The following SPAG16 variants were observed in gnomAD, a reference collection of about 807,000 sequenced individuals.
SPAG16 encodes sperm associated antigen 16.
A neutral mutation model predicts 80.4 loss-of-function variants in SPAG16; 86 were observed. The observed-to-expected ratio is 1.07, with a 90% CI of 0.90 to 1.28. SPAG16 has a LOEUF of 1.28. Among genes scored for constraint, SPAG16 ranks in the 50% most tolerant of loss-of-function variants. SPAG16 has a pLI of 0.00. For missense variants in SPAG16, 870 were observed against 765.3 expected (o/e 1.14, Z -1.61); for synonymous variants, 294 against 265.9 (o/e 1.11, Z -1.03).
intron 10 of SPAG16, among the ~76,000 whole-genome samples, chr2:213,604,032 C>T (rs2061165015): frequency 6.6e-6 from 1 of 151,532 alleles, no homozygotes; most frequent in Non-Finnish European, 1.5e-5. Flanking sequence ...GCTGGGATTA[C>T]AGGCATGCAC....
chr2:213,977,868 C>T (rs914007283), intron 12 of SPAG16, among the ~76,000 whole-genome samples: 23 of 152,056 alleles, frequency 1.5e-4, no homozygotes, highest in African/African-American at 5.5e-4. Flanking sequence ...TTAAGGATCA[C>T]TCCATTGACA....
At chr2:213,331,413 A>C (rs1174733599) in intron 5 of SPAG16, among the ~76,000 whole-genome samples, 1 of 152,228 alleles carries the variant, frequency 6.6e-6, no homozygotes, top group Non-Finnish European at 1.5e-5. Flanking sequence ...ATATATATGC[A>C]CCCAACACTG....
At chr2:213,420,311 T>C (rs192080396) in intron 9 of SPAG16, among the ~76,000 whole-genome samples, 3 of 152,334 alleles carry the variant, frequency 2.0e-5, no homozygotes. Flanking sequence ...AAAGACACTG[T>C]CAGTGTATCC....
At chr2:213,285,620 G>C (rs141786534) in intron 1 of SPAG16, among the ~76,000 whole-genome samples, 1 of 152,290 alleles carries the variant, frequency 6.6e-6, no homozygotes, top group Non-Finnish European at 1.5e-5. Context: ...CGATTAACCT[G>C]TCCTGACTCA....
intron 12 of SPAG16, among the ~76,000 whole-genome samples, chr2:213,965,064 C>G (rs1360096394): frequency 6.6e-6 from 1 of 152,118 alleles, no homozygotes; most frequent in Non-Finnish European, 1.5e-5. Flanking sequence ...AGTATTGATT[C>G]TCCTTCCCCT....
At chr2:214,062,604 G>A (rs2050327104) in intron 13 of SPAG16, among the ~76,000 whole-genome samples, 1 of 149,252 alleles carries the variant, frequency 6.7e-6, no homozygotes, top group South Asian at 2.1e-4. Flanking sequence ...TTTCTCTCCA[G>A]TTCCACATCT....
At chr2:213,786,358 A>T (rs1451444351) in intron 10 of SPAG16, among the ~76,000 whole-genome samples, 3 of 152,220 alleles carry the variant, frequency 2.0e-5, no homozygotes, top group Non-Finnish European at 4.4e-5. Context: ...AAGGCTGAAC[A>T]TCAAATTACA....
At chr2:213,308,145 T>C (rs1447772009) in intron 3 of SPAG16, among the ~76,000 whole-genome samples, 1 of 152,182 alleles carries the variant, frequency 6.6e-6, no homozygotes, top group African/African-American at 2.4e-5. Context: ...TGTTTTATTT[T>C]TTTAATTTTA....
chr2:213,905,900 A>G lies in SPAG16; in HGVS notation c.1215-24060A>G, dbSNP rs1049680552. 9.2e-5 allele frequency among the ~76,000 whole-genome samples: 14 copies of G among 152,178 alleles called. No individual in the cohort carries two copies. In the East Asian group the frequency reaches 2.7e-3, roughly 29 times the overall value. The stretch of plus-strand genomic sequence containing the variant: ...AGTAGCAGAGGCAGAGAATGTGCCT[A>G]GATGTTCTGAAGGAAGCATGCTTGG... On this transcript the variant is annotated intron_variant, in intron 11 of 15. Transcript: ENST00000331683.
At chr2:214,173,340 T>G (rs944713440) in intron 15 of SPAG16, among the ~76,000 whole-genome samples, 13 of 152,230 alleles carry the variant, frequency 8.5e-5, no homozygotes, top group African/African-American at 3.1e-4. Flanking sequence ...CCCAGCACCA[T>G]TTATTAAATA....
chr2:214,048,249 T>C (rs1297231577), intron 13 of SPAG16, among the ~76,000 whole-genome samples: 1 of 152,180 alleles, frequency 6.6e-6, no homozygotes, highest in Non-Finnish European at 1.5e-5. Flanking sequence ...CTTCCATGTT[T>C]ATTGCAGCAC....
intron 10 of SPAG16, among the ~76,000 whole-genome samples, chr2:213,851,494 C>T (rs6716508): frequency 0.26 from 39,337 of 152,004 alleles, 5,656 homozygotes; most frequent in Middle Eastern, 0.42. Flanking sequence ...GGTGACAGAG[C>T]GAGACTCCCT....
At chr2:213,620,999 A>G (rs1481066416) in intron 10 of SPAG16, among the ~76,000 whole-genome samples, 1 of 152,090 alleles carries the variant, frequency 6.6e-6, no homozygotes. Flanking sequence ...ATCAAGTTTT[A>G]TTTGTACTAA....
intron 9 of SPAG16, among the ~76,000 whole-genome samples, chr2:213,389,611 T>C (rs1395256494): frequency 1.3e-5 from 2 of 152,106 alleles, no homozygotes; most frequent in African/African-American, 4.8e-5. Flanking sequence ...AGATTGAAGA[T>C]ATATAAATGG....
chr2:214,024,246 G>A (rs1575861793), intron 13 of SPAG16, among the ~76,000 whole-genome samples: 1 of 151,574 alleles, frequency 6.6e-6, no homozygotes, highest in African/African-American at 2.4e-5. Context: ...CATCTTTTGA[G>A]TAGAAGTAAT....
chr2:213,706,890 T>C (rs1303675112), intron 10 of SPAG16, among the ~76,000 whole-genome samples: 2 of 152,326 alleles, frequency 1.3e-5, no homozygotes, highest in African/African-American at 4.8e-5. Context: ...GTCATTAACA[T>C]GGCGGTCAAG....
chr2:213,711,526 CT>C (rs1234929111), intron 10 of SPAG16, among the ~76,000 whole-genome samples: 3,968 of 139,776 alleles, frequency 0.028, 151 homozygotes, highest in African/African-American at 0.089. Context: ...ATTTTCTTTC[CT>C]TTTTTTTTTT....
At chr2:213,633,006 C>T (rs964157739) in intron 10 of SPAG16, among the ~76,000 whole-genome samples, 2 of 152,204 alleles carry the variant, frequency 1.3e-5, no homozygotes, top group African/African-American at 4.8e-5. Flanking sequence ...TGGAAGTACT[C>T]CCACCTTTGT....
chr2:214,230,391 A>G (rs1028459323), intron 15 of SPAG16, among the ~76,000 whole-genome samples: 7 of 151,978 alleles, frequency 4.6e-5, no homozygotes, highest in African/African-American at 1.4e-4. Context: ...GGTAATGTCA[A>G]TGTTAGCTGC....
Sources: allele counts gnomAD v4.1 joint callset (sites outside exome capture counted in the v4.1 genomes callset), GRCh38; gene constraint gnomAD v4.1.1; transcripts MANE v1.5; gene names NCBI Gene and HGNC (gene_info 2026-07-23, HGNC 2026-07-21).